Variants in CCDC178 observed in about 807,000 individuals in gnomAD.
CCDC178 encodes coiled-coil domain containing 178.
Under a neutral mutation model 117.4 loss-of-function variants are expected in CCDC178, and 126 were observed. The observed-to-expected ratio is 1.07, with a 90% CI of 0.93 to 1.24. The LOEUF is 1.24. Among genes scored for constraint, CCDC178 ranks in the 50% most tolerant of loss-of-function variants. The pLI is 0.00. For missense variants in CCDC178, 1,030 were observed against 986.9 expected, an observed-to-expected ratio of 1.04 and a Z score of -0.59; for synonymous variants, 283 against 313.4, an observed-to-expected ratio of 0.90 and a Z score of 1.02.
chr18:33,028,876 T>A (rs1182025448), intron 21 of CCDC178, among the ~76,000 whole-genome samples: 1 of 151,954 alleles, frequency 6.6e-6, no homozygotes, highest in East Asian at 1.9e-4. Context: ...AAATCTCACC[T>A]GATTATAACA....
intron 5 of CCDC178, among the ~76,000 whole-genome samples, chr18:33,376,800 G>A (rs2063373067): frequency 6.6e-6 from 1 of 152,106 alleles, no homozygotes; most frequent in Non-Finnish European, 1.5e-5. Flanking sequence ...TTTTATGGCA[G>A]TATAGTATTT....
intron 20 of CCDC178, among the ~76,000 whole-genome samples, chr18:33,137,249 A>T (rs2058140147): frequency 6.6e-6 from 1 of 152,232 alleles, no homozygotes. Context: ...AGCATCTATT[A>T]TGCATTGTCA....
At chr18:33,154,929 T>C (rs996982612) in intron 20 of CCDC178, among the ~76,000 whole-genome samples, 4 of 152,116 alleles carry the variant, frequency 2.6e-5, no homozygotes, top group Admixed American at 2.0e-4. Flanking sequence ...ATAATCATAG[T>C]GGGAGATTTC....
At chr18:32,996,686 T>G (rs1359138242) in intron 21 of CCDC178, among the ~76,000 whole-genome samples, 1 of 152,022 alleles carries the variant, frequency 6.6e-6, no homozygotes, top group African/African-American at 2.4e-5. Flanking sequence ...CAGATGGATT[T>G]TTAATTGATT....
chr18:33,394,725 T>C (rs1231124180), intron 4 of CCDC178, among the ~76,000 whole-genome samples: 4 of 151,226 alleles, frequency 2.6e-5, no homozygotes, highest in Non-Finnish European at 4.4e-5. Flanking sequence ...GAATAATATG[T>C]CCTAAAGCAC....
intron 21 of CCDC178, among the ~76,000 whole-genome samples, chr18:33,067,736 AGGAGGCTGAAGCTTGAACCTG>A (rs1440870057): frequency 4.6e-5 from 7 of 152,004 alleles, no homozygotes; most frequent in Middle Eastern, 3.4e-3. Context: ...CCAGCTACAT[AGGAGGCTGAAGCTTGAACCTG>A]GGAGGCAGAG....
At chr18:32,977,744 A>G (rs909799878) in intron 21 of CCDC178, among the ~76,000 whole-genome samples, 1 of 152,200 alleles carries the variant, frequency 6.6e-6, no homozygotes, top group Non-Finnish European at 1.5e-5. Flanking sequence ...TATTTTTCTT[A>G]TTCCAAGGCT....
intron 21 of CCDC178, among the ~76,000 whole-genome samples, chr18:32,975,498 C>T (rs563514954): frequency 2.0e-5 from 3 of 151,988 alleles, no homozygotes; most frequent in East Asian, 1.9e-4. Context: ...ACCGTAGGCA[C>T]GCCATACAGA....
intron 22 of CCDC178, among the ~76,000 whole-genome samples, chr18:32,940,262 T>C (rs536067742): frequency 5.7e-4 from 86 of 152,012 alleles, no homozygotes; most frequent in Non-Finnish European, 7.5e-4. Flanking sequence ...AAAAATAAGA[T>C]TTATAATTCT....
intron 22 of CCDC178, among the ~76,000 whole-genome samples, chr18:32,971,411 T>A (rs900562814): frequency 2.0e-5 from 3 of 152,208 alleles, no homozygotes; most frequent in Non-Finnish European, 4.4e-5. Flanking sequence ...ATTTTCTTTA[T>A]CCAGTCTGTC....
intron 11 of CCDC178, among the ~76,000 whole-genome samples, chr18:33,310,902 C>T (rs956226883): frequency 5.3e-5 from 8 of 152,110 alleles, no homozygotes; most frequent in South Asian, 4.1e-4. Context: ...AGGGAGTCAA[C>T]CCAGACAGTA....
At chr18:32,963,710 G>A (rs1261125502) in intron 22 of CCDC178, among the ~76,000 whole-genome samples, 4 of 151,854 alleles carry the variant, frequency 2.6e-5, no homozygotes, top group African/African-American at 9.7e-5. Context: ...CCATTCTCAG[G>A]TTGAGCTAAG....
chr18:33,028,332 G>A (rs755179184), intron 21 of CCDC178, among the ~76,000 whole-genome samples: 5 of 151,628 alleles, frequency 3.3e-5, no homozygotes, highest in Admixed American at 6.6e-5. Flanking sequence ...AAAAGTAATA[G>A]GAATGTTGAA....
rs530808334 is a variant in CCDC178, at chr18:33,257,131, G to A, written c.1409+9785C>T. ...TGTGTGAGAATCTTGTATGGCCTCA[G>A]TCTAGGGTTTATTCCTCCAGTGACT... is the stretch of plus-strand genomic sequence containing the variant. On this transcript the variant is annotated intron_variant, in intron 14 of 22. Transcript: ENST00000383096. Among the ~76,000 whole-genome samples the A allele has an allele frequency of 4.6e-5, 7 of 152,076 alleles. No individual in the cohort carries two copies. In the East Asian group the frequency reaches 1.4e-3, roughly 29 times the overall value.
chr18:33,066,614 C>A (rs1454575518), intron 21 of CCDC178, among the ~76,000 whole-genome samples: 1 of 152,158 alleles, frequency 6.6e-6, no homozygotes, highest in African/African-American at 2.4e-5. Context: ...AAATTCACTT[C>A]ATCTGAAAAG....
intron 4 of CCDC178, among the ~76,000 whole-genome samples, chr18:33,391,728 A>C (rs1323601012): frequency 2.0e-5 from 3 of 152,238 alleles, no homozygotes; most frequent in Admixed American, 6.5e-5. Flanking sequence ...TTTGTAAACA[A>C]ATGTTAATGT....
At chr18:33,190,804 A>C (rs1225159953) in intron 20 of CCDC178, among the ~76,000 whole-genome samples, 1 of 152,206 alleles carries the variant, frequency 6.6e-6, no homozygotes, top group Non-Finnish European at 1.5e-5. Flanking sequence ...CTGAAACATC[A>C]GCCAGAATCT....
At chr18:33,095,913 G>A (rs888828366) in intron 20 of CCDC178, among the ~76,000 whole-genome samples, 21 of 151,896 alleles carry the variant, frequency 1.4e-4, no homozygotes, top group African/African-American at 5.1e-4. Context: ...TATTTTGGGT[G>A]AATCATTGAC....
intron 15 of CCDC178, among the ~76,000 whole-genome samples, chr18:33,237,152 C>A (rs1195760964): frequency 1.3e-5 from 2 of 152,126 alleles, no homozygotes; most frequent in East Asian, 3.9e-4. Context: ...AGCCACTGCA[C>A]CTCTGCAGCA....
Sources: gnomAD v4.1 joint callset for allele counts (sites outside exome capture counted in the v4.1 genomes callset) on GRCh38, gnomAD v4.1.1 for gene constraint, MANE v1.5 for transcripts, NCBI Gene and HGNC (gene_info 2026-07-23, HGNC 2026-07-21) for gene names.